Variants in AP4E1 observed in about 807,000 individuals in gnomAD.
AP4E1 encodes adaptor related protein complex 4 subunit epsilon 1.
AP4E1 carries 56 observed loss-of-function variants against 128.2 expected under a neutral mutation model. The observed-to-expected ratio is 0.44, with a 90% CI of 0.35 to 0.55. The LOEUF is 0.55. AP4E1 is among the 20% of genes least tolerant of loss of function. The probability of loss-of-function intolerance (pLI) is 0.00; values close to 1 mark genes in which losing one functional copy is unlikely to be tolerated. For synonymous variants in AP4E1, 484 were observed against 473.1 expected (o/e 1.02, Z -0.30); for missense variants, 1,324 against 1,307.7 (o/e 1.01, Z -0.19).
intron 5 of AP4E1, among the ~76,000 whole-genome samples, chr15:50,925,877 G>A (rs963405109): frequency 1.3e-5 from 2 of 150,882 alleles, no homozygotes; most frequent in East Asian, 2.0e-4. Flanking sequence ...CACCTGCCTC[G>A]GCCTCCCAAA....
chr15:50,980,854 C>T (rs1222073057), intron 15 of AP4E1, among the ~76,000 whole-genome samples: 2 of 152,116 alleles, frequency 1.3e-5, no homozygotes, highest in Non-Finnish European at 2.9e-5. Flanking sequence ...ACCTTGGTGG[C>T]ATATGTGGTG....
intron 3 of AP4E1, among the ~76,000 whole-genome samples, chr15:50,919,719 C>T (rs16963979): frequency 0.019 from 2,874 of 151,776 alleles, 110 homozygotes; most frequent in African/African-American, 0.066. Context: ...ATTAGAGGGA[C>T]GTGTATCTGC....
At chr15:50,950,558 A>G (rs1261516073) in intron 13 of AP4E1, among the ~76,000 whole-genome samples, 2 of 152,156 alleles carry the variant, frequency 1.3e-5, no homozygotes, top group East Asian at 3.8e-4. Flanking sequence ...TTTTCAACGT[A>G]CCAGGCACAG....
intron 15 of AP4E1, among the ~76,000 whole-genome samples, chr15:50,978,980 G>A (rs17521789): frequency 0.14 from 20,927 of 152,014 alleles, 1,581 homozygotes; most frequent in South Asian, 0.19. Context: ...TTTTGACTTG[G>A]AATTGATACT....
chr15:50,925,652 CAG>C (rs2063759420), intron 5 of AP4E1, among the ~76,000 whole-genome samples: 1 of 136,660 alleles, frequency 7.3e-6, no homozygotes, highest in South Asian at 2.3e-4. Context: ...TTTTTTGAGA[CAG>C]AGTCTCACTC....
intron 13 of AP4E1, among the ~76,000 whole-genome samples, chr15:50,955,559 G>C (rs1327468954): frequency 6.6e-6 from 1 of 152,174 alleles, no homozygotes; most frequent in Non-Finnish European, 1.5e-5. Context: ...GAAGGGTATT[G>C]ACATCTTCAG....
At chr15:50,927,173 C>T (rs981466337) in intron 5 of AP4E1, among the ~76,000 whole-genome samples, 6 of 152,130 alleles carry the variant, frequency 3.9e-5, no homozygotes, top group Non-Finnish European at 7.3e-5. Flanking sequence ...TGTATGAAAT[C>T]CTTCTGAGAA....
intron 19 of AP4E1, among the ~76,000 whole-genome samples, chr15:50,999,853 T>TC (rs1162545230): frequency 1.2e-5 from 1 of 82,534 alleles, no homozygotes; most frequent in Non-Finnish European, 2.3e-5. Context: ...CCCTTCCCCC[T>TC]CCCCCCACCC....
chr15:50,935,637 TTTC>T (rs2063898798), intron 8 of AP4E1, among the ~76,000 whole-genome samples: 1 of 152,146 alleles, frequency 6.6e-6, no homozygotes, highest in African/African-American at 2.4e-5. Context: ...TGAGAAGTCA[TTTC>T]TTAATCTGGT....
intron 10 of AP4E1, among the ~76,000 whole-genome samples, chr15:50,942,581 A>G (rs1177046963): frequency 6.6e-6 from 1 of 150,460 alleles, no homozygotes; most frequent in Non-Finnish European, 1.5e-5. Context: ...AGGCTTAATA[A>G]TATCATCATC....
chr15:50,948,220 A>G (rs2064090267), intron 11 of AP4E1, 61 bp downstream of exon 11: 1 of 1,579,716 alleles, frequency 6.3e-7, no homozygotes, highest in Non-Finnish European at 8.7e-7. Context: ...CTTTAAGATG[A>G]TTGGTATAGA....
At chr15:51,000,726 T>C (rs1484814240) in intron 19 of AP4E1, among the ~76,000 whole-genome samples, 1 of 152,240 alleles carries the variant, frequency 6.6e-6, no homozygotes, top group African/African-American at 2.4e-5. Context: ...TTCTGTATTA[T>C]AGTTGAATGA....
intron 14 of AP4E1, among the ~76,000 whole-genome samples, chr15:50,959,972 T>C (rs1009045980): frequency 6.6e-6 from 1 of 151,070 alleles, no homozygotes; most frequent in Non-Finnish European, 1.5e-5. Flanking sequence ...CATGCAAGAG[T>C]AGCTAATGTT....
chr15:50,944,904 G>A, intron 10 of AP4E1: 3 of 800,504 alleles, frequency 3.7e-6, no homozygotes, highest in South Asian at 1.4e-5. Flanking sequence ...CCTGGCTACT[G>A]TCCTTTCTGG....
intron 10 of AP4E1, among the ~76,000 whole-genome samples, chr15:50,947,168 C>A (rs538785741): frequency 1.3e-5 from 2 of 152,270 alleles, no homozygotes; most frequent in African/African-American, 2.4e-5. Flanking sequence ...GTAATCCCAA[C>A]ACTTGGGGAG....
At chr15:50,948,609 T>C (rs956538250) in intron 11 of AP4E1, among the ~76,000 whole-genome samples, 2 of 152,196 alleles carry the variant, frequency 1.3e-5, no homozygotes, top group African/African-American at 2.4e-5. Flanking sequence ...CATGTTACTC[T>C]TCTTCATGTT....
At chr15:50,943,672 T>C (rs1219351274) in intron 10 of AP4E1, among the ~76,000 whole-genome samples, 1 of 152,214 alleles carries the variant, frequency 6.6e-6, no homozygotes, top group Non-Finnish European at 1.5e-5. Flanking sequence ...TAGTCCCCAC[T>C]TATTTATGGA....
chr15:50,928,874 C>A (rs945044375), intron 5 of AP4E1, 135 bp from the exon 6 acceptor site: 3 of 872,186 alleles, frequency 3.4e-6, no homozygotes, highest in Non-Finnish European at 5.3e-6. Context: ...AAATTAATCA[C>A]AAATGTATAG....
chr15:50,928,591 A>G (rs1356002771), intron 5 of AP4E1, among the ~76,000 whole-genome samples: 1 of 152,122 alleles, frequency 6.6e-6, no homozygotes, highest in East Asian at 1.9e-4. Flanking sequence ...TATTAATAAA[A>G]AGATTTTAAT....
Sources: gnomAD v4.1 joint callset for allele counts (sites outside exome capture counted in the v4.1 genomes callset) on GRCh38, gnomAD v4.1.1 for gene constraint, MANE v1.5 for transcripts, NCBI Gene and HGNC (gene_info 2026-07-23, HGNC 2026-07-21) for gene names.